GPC4: variants seen among roughly 807,000 people sequenced by gnomAD.
The protein encoded by GPC4 is glypican 4.
In GPC4, 10 loss-of-function variants were observed where a neutral mutation model predicts 35.0. The ratio of observed to expected loss-of-function variants is 0.29; its 90% CI spans 0.18 to 0.48. The LOEUF (loss-of-function observed/expected upper bound fraction) is 0.48, where lower values mean the gene tolerates loss of function less well. Among genes scored for constraint, GPC4 ranks in the 20% least tolerant of loss-of-function variants. The pLI is 0.99. For missense variants in GPC4, 322 were observed against 451.3 expected (o/e 0.71, Z 2.60); for synonymous variants, 167 against 170.2 (o/e 0.98, Z 0.15).
At chrX:133,313,310 G>C (rs1437282987) in intron 3 of GPC4, among the ~76,000 whole-genome samples, 1 of 112,690 alleles carries the variant, frequency 8.9e-6, no homozygotes, top group African/African-American at 3.2e-5. Flanking sequence ...CTAAAAGGGG[G>C]GAATACGTGT....
At chrX:133,389,123 AT>A (rs201174344) in intron 1 of GPC4, among the ~76,000 whole-genome samples, 1 of 108,696 alleles carries the variant, frequency 9.2e-6, no homozygotes, top group African/African-American at 3.4e-5. Flanking sequence ...TACCCAGCCA[AT>A]TTTTTTGTAT....
intron 1 of GPC4, among the ~76,000 whole-genome samples, chrX:133,380,182 C>G (rs1388656472): frequency 9.1e-6 from 1 of 110,437 alleles, no homozygotes; most frequent in Non-Finnish European, 1.9e-5. Context: ...ATTAAAGGTA[C>G]AAATATTAGC....
intron 1 of GPC4, among the ~76,000 whole-genome samples, chrX:133,406,150 T>C (rs974550061): frequency 2.7e-5 from 3 of 112,416 alleles, no homozygotes; most frequent in African/African-American, 9.7e-5. Flanking sequence ...GGAAGAAATA[T>C]CACCTAGCAT....
In GPC4 at chrX:133,324,466, A is replaced by G. The variant is rs907910221; in HGVS notation, c.390T>C (p.His130=). ...ATAGCTCAGAATTTTGCATGTATAAATGGCCATATGTCTTCACAAACATAT... is the reference window on the plus strand; with the variant it reads ...ATAGCTCAGAATTTTGCATGTATAAGTGGCCATATGTCTTCACAAACATAT... ...LNDMFVKTYG[H]LYMQNSELFK... The change falls in exon 3 of 9, where the codon CAT becomes CAC. Residue 130 remains histidine (H), a synonymous_variant. Coordinates refer to ENST00000370828, the MANE Select transcript of GPC4 (RefSeq NM_001448.3). 1.7e-6 allele frequency: 2 copies of G among 1,201,253 alleles called. No homozygotes were observed. The highest frequency in any genetic ancestry group is 2.2e-6 in the Non-Finnish European group (2 of 889,647).
intron 3 of GPC4, among the ~76,000 whole-genome samples, chrX:133,320,461 T>C (rs1330563365): frequency 1.8e-5 from 2 of 109,770 alleles, no homozygotes; most frequent in Admixed American, 9.8e-5. Flanking sequence ...ACCCCATCTC[T>C]ACTAAAAATA....
At chrX:133,335,118 C>A (rs1266232917) in intron 2 of GPC4, among the ~76,000 whole-genome samples, 4 of 111,222 alleles carry the variant, frequency 3.6e-5, no homozygotes, top group Non-Finnish European at 3.8e-5. Flanking sequence ...TTCCCTAACT[C>A]CCTCCTGAAT....
In GPC4 at chrX:133,339,314, C is replaced by T. The variant is rs764215774; in HGVS notation, c.188G>A (p.Gly63Asp). 61 of 1,208,430 alleles carry T rather than the reference C, an allele frequency of 5.0e-5. 1 individual carries two copies. The South Asian group carries it at 1.0e-3, about 20-fold the overall frequency. The change falls in exon 2 of 9, where the codon GGT becomes GAT. Residue 63 changes from glycine to aspartate, a missense_variant. This residue lies in a region of GPC4 where 60 missense variants were observed against 64.1 expected (regional missense o/e 0.94). Transcript: ENST00000370828. The stretch of plus-strand genomic sequence containing the variant: ...CATCTCTTGAGAGCAGCAGGTAGAA[C>T]CCTGGGGACAGATCTTCAAATGATC... ...NGDHLKICPQ[G>D]STCCSQEMEE... is the part of the protein sequence containing the mutation.
intron 1 of GPC4, among the ~76,000 whole-genome samples, chrX:133,363,972 T>C (rs2068579902): frequency 1.8e-5 from 2 of 112,274 alleles, no homozygotes; most frequent in South Asian, 7.4e-4. Flanking sequence ...TCATAAAACA[T>C]AGTGTTCCAA....
chrX:133,325,803 A>G (rs914029404), intron 2 of GPC4, among the ~76,000 whole-genome samples: 5 of 111,996 alleles, frequency 4.5e-5, no homozygotes, highest in African/African-American at 1.6e-4. Context: ...CAACTCAGAG[A>G]CTGGCCACTA....
intron 1 of GPC4, among the ~76,000 whole-genome samples, chrX:133,358,556 C>T (rs1478262606): frequency 8.9e-6 from 1 of 112,092 alleles, no homozygotes; most frequent in African/African-American, 3.2e-5. Context: ...GAAATTTAGA[C>T]TGTCTAAGGA....
chrX:133,339,114 AGAG>A, intron 2 of GPC4, 66 bp downstream of exon 2: 2 of 1,056,239 alleles, frequency 1.9e-6, no homozygotes, highest in South Asian at 4.2e-5. Context: ...CTGAGGGAGC[AGAG>A]GAGCTGTGAA....
intron 1 of GPC4, among the ~76,000 whole-genome samples, chrX:133,361,567 G>GA (rs1187656868): frequency 0.018 from 1,618 of 90,472 alleles, 36 homozygotes; most frequent in African/African-American, 0.055. Context: ...AAACACTCAA[G>GA]AAAAAAAAAA....
rs112555155 is a variant in GPC4, at chrX:133,409,160, A to G, written c.160+5646T>C. Among the ~76,000 whole-genome samples the G allele has an allele frequency of 8.9e-3, 942 of 106,214 alleles. 16 individuals are homozygous for G. Among genetic ancestry groups the G allele is most frequent in the African/African-American group, 0.031 (897 of 29,203 alleles). 92.2% of individuals were successfully genotyped at this position (106,214 alleles called of 115,157 possible). A position where few individuals can be genotyped will look rare whatever the true frequency, so the allele number is the denominator to read the frequency against. On this transcript the variant is annotated intron_variant, in intron 1 of 8. Transcript: ENST00000370828. The stretch of plus-strand genomic sequence containing the variant: ...ACAGAGCGAAACTTCATCTTGGAAA[A>G]AAAAAAAAAAAATTAGCCAGGCGGT...
At chrX:133,385,283 T>C (rs991422197) in intron 1 of GPC4, among the ~76,000 whole-genome samples, 4 of 111,931 alleles carry the variant, frequency 3.6e-5, no homozygotes, top group African/African-American at 6.5e-5. Context: ...GCAATTTTTA[T>C]GGGTTGTCAG....
chrX:133,380,687 G>T (rs1003907058), intron 1 of GPC4, among the ~76,000 whole-genome samples: 5 of 111,303 alleles, frequency 4.5e-5, no homozygotes, highest in Middle Eastern at 4.7e-3. Context: ...CCTTTCTAAG[G>T]TGTTGTTTTC....
chrX:133,409,844 G>A (rs1313954468), intron 1 of GPC4, among the ~76,000 whole-genome samples: 1 of 111,525 alleles, frequency 9.0e-6, no homozygotes, highest in East Asian at 2.8e-4. Flanking sequence ...AGGGATTTAG[G>A]AGGGGGGGAC....
intron 1 of GPC4, among the ~76,000 whole-genome samples, chrX:133,409,614 C>T (rs1340896667): frequency 2.7e-5 from 3 of 111,580 alleles, no homozygotes; most frequent in Non-Finnish European, 3.8e-5. Context: ...CCTGCACACA[C>T]AGTTAACTAT....
intron 1 of GPC4, among the ~76,000 whole-genome samples, chrX:133,386,242 A>C (rs1017442351): frequency 9.3e-6 from 1 of 107,376 alleles, no homozygotes; most frequent in Admixed American, 1.0e-4. Flanking sequence ...CTCAAAAAAA[A>C]AAAAAAAAAA....
intron 2 of GPC4, among the ~76,000 whole-genome samples, chrX:133,331,725 C>T (rs190668260): frequency 1.9e-4 from 20 of 105,605 alleles, no homozygotes; most frequent in Non-Finnish European, 3.1e-4. Context: ...TGAGCCACTG[C>T]ACTCCAGCCT....
Sources: allele counts gnomAD v4.1 joint callset (sites outside exome capture counted in the v4.1 genomes callset), GRCh38; gene constraint gnomAD v4.1.1; regional missense constraint gnomAD v4.1.1; transcripts MANE v1.5; gene names NCBI Gene and HGNC (gene_info 2026-07-23, HGNC 2026-07-21).